The following GON4L variants were observed in gnomAD, a reference collection of about 807,000 sequenced individuals.
The protein encoded by GON4L is gon-4 like, also known as GON-4-like protein.
GON4L carries 87 observed loss-of-function variants against 211.8 expected under a neutral mutation model. The ratio of observed to expected loss-of-function variants is 0.41; its 90% CI spans 0.35 to 0.49. GON4L has a LOEUF of 0.49. Ranked by LOEUF, GON4L falls within the 20% of genes least tolerant of loss-of-function variation. The pLI is 0.15. For missense variants in GON4L, 2,155 were observed against 2,659.5 expected (o/e 0.81, Z 4.17); for synonymous variants, 875 against 962.6 (o/e 0.91, Z 1.68).
chr1:155,804,450 C>T (rs1666956694), intron 11 of GON4L, among the ~76,000 whole-genome samples: 1 of 151,742 alleles, frequency 6.6e-6, no homozygotes, highest in African/African-American at 2.4e-5. Flanking sequence ...TAGCATTCAA[C>T]AATCTTAGGA....
At chr1:155,814,565 G>A in intron 8 of GON4L, 116 bp from the exon 9 acceptor site, 1 of 1,062,636 alleles carries the variant, frequency 9.4e-7, no homozygotes, top group Non-Finnish European at 1.4e-6. Flanking sequence ...GGCCAACATG[G>A]TGAACACCCG....
chr1:155,784,780 C>T (rs1664778618), intron 13 of GON4L: 1 of 183,432 alleles, frequency 5.5e-6, no homozygotes. Flanking sequence ...AGTTGACAAT[C>T]TTTAAGGACA....
At chr1:155,849,274 G>A (rs528841140) in intron 2 of GON4L, among the ~76,000 whole-genome samples, 14 of 151,420 alleles carry the variant, frequency 9.2e-5, no homozygotes, top group African/African-American at 2.7e-4. Flanking sequence ...GGCTGGGCAC[G>A]GTGGCTCACA....
At chr1:155,827,978 C>T (rs1557907344) in intron 2 of GON4L, among the ~76,000 whole-genome samples, 2 of 151,992 alleles carry the variant, frequency 1.3e-5, no homozygotes, top group Non-Finnish European at 2.9e-5. Context: ...TTGGAGATAC[C>T]TTGTCTCTAC....
Position 155,749,985 on chromosome 1 carries a change from G to C in GON4L, c.*599C>G. ...CTCTTCGTCCCTGCACCAGACCCTGGAAGCCTTGGCCAGAGACCTCACCAA... is the reference window on the plus strand; with the variant it reads ...CTCTTCGTCCCTGCACCAGACCCTGCAAGCCTTGGCCAGAGACCTCACCAA... On this transcript the variant is annotated 3_prime_UTR_variant, in exon 32 of 32. Coordinates refer to ENST00000368331, the MANE Select transcript of GON4L (RefSeq NM_001282860.2). 4 of 1,481,544 alleles carry C rather than the reference G, an allele frequency of 2.7e-6. No individual in the cohort carries two copies. Among genetic ancestry groups the C allele is most frequent in the Non-Finnish European group, 3.6e-6 (4 of 1,101,036 alleles). The allele number at this position is 1,481,544 out of a possible 1,614,324, so 91.8% of individuals were successfully genotyped here. A position where few individuals can be genotyped will look rare whatever the true frequency, so the allele number is the denominator to read the frequency against.
chr1:155,839,525 C>G (rs1415290082), intron 2 of GON4L, among the ~76,000 whole-genome samples: 1 of 151,904 alleles, frequency 6.6e-6, no homozygotes, highest in Non-Finnish European at 1.5e-5. Context: ...TGGCACACGC[C>G]TGTTAATTCC....
Position 155,769,042 on chromosome 1 carries a change from T to C in GON4L, c.2647-1501A>G, listed in dbSNP as rs554741960. Among the ~76,000 whole-genome samples the C allele has an allele frequency of 1.6e-4, 24 of 152,250 alleles. No individual in the cohort carries two copies. In the East Asian group the frequency reaches 4.6e-3, roughly 29 times the overall value. On this transcript the variant is annotated intron_variant, in intron 19 of 31. Transcript: ENST00000368331. ...CCCAGGCTGGAGTGCAGGGGAGTGA[T>C]CCACGCTTACTGAACCTCTGTCTCC...
intron 3 of GON4L, among the ~76,000 whole-genome samples, chr1:155,823,516 G>A (rs192195990): frequency 4.8e-4 from 73 of 152,188 alleles, no homozygotes; most frequent in Admixed American, 4.1e-3. Flanking sequence ...CACAGATGTC[G>A]ACTACCACTA....
chr1:155,799,293 G>A (rs1330059075), intron 11 of GON4L, among the ~76,000 whole-genome samples: 2 of 152,168 alleles, frequency 1.3e-5, no homozygotes. Flanking sequence ...AATTAGCTGG[G>A]TATGGTGGCA....
chr1:155,807,990 A>C (rs1667320072), intron 10 of GON4L, among the ~76,000 whole-genome samples: 1 of 151,962 alleles, frequency 6.6e-6, no homozygotes, highest in Admixed American at 6.6e-5. Flanking sequence ...AACCAAAAGG[A>C]ATTTTTAACA....
upstream of GON4L, among the ~76,000 whole-genome samples, chr1:155,858,546 T>C (rs918484455): frequency 3.3e-5 from 5 of 152,102 alleles, no homozygotes; most frequent in Admixed American, 3.3e-4. Context: ...CACAGATCTT[T>C]CGGTTTGGCC....
intron 2 of GON4L, among the ~76,000 whole-genome samples, chr1:155,831,861 A>G (rs1057147510): frequency 4.6e-5 from 7 of 152,124 alleles, no homozygotes; most frequent in Admixed American, 2.6e-4. Context: ...TATAGCCTGG[A>G]TGACAGGGTG....
rs559108911 is a variant in GON4L at position 155,846,154 on chromosome 1, G to C, written c.505+7122C>G. On this transcript the variant is annotated intron_variant, in intron 2 of 31. Transcript: ENST00000368331. ...AAATGGTAGCAGTGTACTTGGCCTC[G>C]CTGATCCATTCTGTGATCACCCTAC... The C allele has an allele frequency of 1.3e-5, 3 of 231,594 alleles. No individual in the cohort carries two copies. The East Asian group carries it at 3.3e-4, about 25-fold the overall frequency. 14.3% of individuals were successfully genotyped at this position (231,594 alleles called of 1,614,324 possible). A position where few individuals can be genotyped will look rare whatever the true frequency, so the allele number is the denominator to read the frequency against.
chr1:155,838,934 T>C (rs1670543907), intron 2 of GON4L, among the ~76,000 whole-genome samples: 2 of 151,982 alleles, frequency 1.3e-5, no homozygotes, highest in African/African-American at 2.4e-5. Context: ...GAATATTATA[T>C]AGGGAAACAT....
chr1:155,753,940 G>A (rs1660876274), intron 28 of GON4L: 2 of 263,586 alleles, frequency 7.6e-6, no homozygotes, highest in Non-Finnish European at 7.4e-6. Context: ...TATCATCATG[G>A]CTCACTGCAA....
chr1:155,778,519 G>A (rs1664064897), intron 14 of GON4L, among the ~76,000 whole-genome samples: 1 of 152,154 alleles, frequency 6.6e-6, no homozygotes, highest in Non-Finnish European at 1.5e-5. Context: ...CCAAAGTGCT[G>A]GGATTACAGG....
At chr1:155,828,824 A>C (rs917951902) in intron 2 of GON4L, among the ~76,000 whole-genome samples, 1 of 151,670 alleles carries the variant, frequency 6.6e-6, no homozygotes, top group African/African-American at 2.4e-5. Context: ...AAAAAAAAAA[A>C]AAAATGGTAA....
rs760897640 is a variant in GON4L, at chr1:155,821,448, TAA to T, written c.963+24_963+25del. ...TAGAGATAACTCTGTTCCAAGACAT[TAA>T]AAGAGTGATAATCAACTACTCACAA... On this transcript the variant is annotated intron_variant, in intron 5 of 31. Coordinates refer to ENST00000368331, the MANE Select transcript of GON4L (RefSeq NM_001282860.2). 14 of 1,412,024 alleles carry T rather than the reference TAA, an allele frequency of 9.9e-6. No individual in the cohort carries two copies. The African/African-American group carries it at 1.5e-4, about 16-fold the overall frequency. The allele number at this position is 1,412,024 out of a possible 1,614,324, so 87.5% of individuals were successfully genotyped here.
At chr1:155,829,164 T>C (rs1669508017) in intron 2 of GON4L, among the ~76,000 whole-genome samples, 1 of 152,244 alleles carries the variant, frequency 6.6e-6, no homozygotes, top group Admixed American at 6.5e-5. Flanking sequence ...TTTAATGGTG[T>C]TTATTCTAAT....
Sources: allele counts gnomAD v4.1 joint callset (sites outside exome capture counted in the v4.1 genomes callset), GRCh38; gene constraint gnomAD v4.1.1; transcripts MANE v1.5; gene names NCBI Gene and HGNC (gene_info 2026-07-23, HGNC 2026-07-21).